MTUS2: variants seen among roughly 807,000 people sequenced by gnomAD.
The protein encoded by MTUS2 is microtubule-associated tumor suppressor candidate 2.
MTUS2 carries 40 observed loss-of-function variants against 114.1 expected under a neutral mutation model. The observed-to-expected ratio is 0.35, with a 90% CI of 0.27 to 0.46. The LOEUF (loss-of-function observed/expected upper bound fraction) is 0.46. Ranked by LOEUF, MTUS2 falls within the 20% of genes least tolerant of loss-of-function variation. The probability of loss-of-function intolerance (pLI) is 1.00; values close to 1 mark genes in which losing one functional copy is unlikely to be tolerated. For missense variants in MTUS2, 1,679 were observed against 1,705.4 expected (o/e 0.98, Z 0.27); for synonymous variants, 688 against 672.0 (o/e 1.02, Z -0.37).
chr13:29,443,476 G>T (rs2138699500), intron 9 of MTUS2, among the ~76,000 whole-genome samples: 1 of 152,320 alleles, frequency 6.6e-6, no homozygotes, highest in Admixed American at 6.5e-5. Flanking sequence ...CTGCCTAAGT[G>T]CCAAGAATAG....
At chr13:29,430,127 G>A (rs1320334998) in intron 8 of MTUS2, among the ~76,000 whole-genome samples, 1 of 151,740 alleles carries the variant, frequency 6.6e-6, no homozygotes, top group Admixed American at 6.6e-5. Context: ...AGCCTTTTGC[G>A]AAGTGGTCAC....
At chr13:29,438,709 C>T (rs1456240425) in intron 8 of MTUS2, among the ~76,000 whole-genome samples, 1 of 152,160 alleles carries the variant, frequency 6.6e-6, no homozygotes, top group African/African-American at 2.4e-5. Context: ...GTCCATTTCC[C>T]TCAGGGACAG....
intron 2 of MTUS2, among the ~76,000 whole-genome samples, chr13:28,906,698 G>C (rs1249515660): frequency 6.6e-6 from 1 of 151,594 alleles, no homozygotes; most frequent in Non-Finnish European, 1.5e-5. Flanking sequence ...TTTGGGATAG[G>C]TGTGGTGTGG....
chr13:29,166,731 G>C (rs1327438311), intron 5 of MTUS2, among the ~76,000 whole-genome samples: 1 of 152,060 alleles, frequency 6.6e-6, no homozygotes, highest in Non-Finnish European at 1.5e-5. Flanking sequence ...TTAAAAAGTT[G>C]TTTGAGAATT....
intron 5 of MTUS2, among the ~76,000 whole-genome samples, chr13:29,185,162 C>T (rs1894170189): frequency 6.6e-6 from 1 of 151,848 alleles, no homozygotes; most frequent in Admixed American, 6.6e-5. Flanking sequence ...ACTAGAGGAG[C>T]TCAGCAGCAG....
chr13:29,479,686 T>C (rs1205426980), intron 9 of MTUS2, among the ~76,000 whole-genome samples: 1 of 152,212 alleles, frequency 6.6e-6, no homozygotes, highest in African/African-American at 2.4e-5. Flanking sequence ...AGCTCTCAAG[T>C]CTTGATGGAC....
intron 3 of MTUS2, among the ~76,000 whole-genome samples, chr13:29,029,839 T>A (rs997144509): frequency 1.1e-4 from 17 of 152,126 alleles, no homozygotes; most frequent in African/African-American, 3.9e-4. Flanking sequence ...AGCAAGAACT[T>A]GCTCATTACC....
intron 5 of MTUS2, among the ~76,000 whole-genome samples, chr13:29,157,922 G>A (rs1383920883): frequency 6.6e-6 from 1 of 152,210 alleles, no homozygotes; most frequent in Non-Finnish European, 1.5e-5. Flanking sequence ...AATGCAAAAA[G>A]TTGGTTAAGT....
intron 3 of MTUS2, among the ~76,000 whole-genome samples, chr13:29,027,536 T>G (rs1366018190): frequency 6.6e-6 from 1 of 152,112 alleles, no homozygotes; most frequent in African/African-American, 2.4e-5. Context: ...GTTTTTTGTT[T>G]GTTTATGTTT....
At chr13:29,212,814 A>T (rs1323982070) in intron 5 of MTUS2, among the ~76,000 whole-genome samples, 1 of 152,250 alleles carries the variant, frequency 6.6e-6, no homozygotes, top group Non-Finnish European at 1.5e-5. Flanking sequence ...ACCAACCCAG[A>T]AGCCCTCTGA....
chr13:29,091,685 A>T (rs1023747073), intron 4 of MTUS2, among the ~76,000 whole-genome samples: 6 of 152,190 alleles, frequency 3.9e-5, no homozygotes, highest in African/African-American at 1.4e-4. Context: ...TCATTCTTAG[A>T]AATACAGATA....
intron 4 of MTUS2, among the ~76,000 whole-genome samples, chr13:29,070,757 C>A (rs1888882588): frequency 6.6e-6 from 1 of 152,034 alleles, no homozygotes. Context: ...TTAGTTTCTA[C>A]CTCTCTGTTT....
At chr13:29,475,963 C>T (rs1020808596) in intron 9 of MTUS2, among the ~76,000 whole-genome samples, 1 of 152,218 alleles carries the variant, frequency 6.6e-6, no homozygotes, top group Admixed American at 6.5e-5. Flanking sequence ...TCATCATTCA[C>T]TGACTTACCC....
chr13:29,364,729 A>C (rs1028406327), intron 8 of MTUS2, among the ~76,000 whole-genome samples: 1 of 152,236 alleles, frequency 6.6e-6, no homozygotes, highest in Non-Finnish European at 1.5e-5. Flanking sequence ...CAGCCAAAGG[A>C]CTTCACATTT....
chr13:29,016,576 AT>A (rs911842826), intron 2 of MTUS2, among the ~76,000 whole-genome samples: 1 of 152,070 alleles, frequency 6.6e-6, no homozygotes, highest in Non-Finnish European at 1.5e-5. Context: ...TTATGTATAT[AT>A]TCTTCTTTAT....
Position 28,910,559 on chromosome 13 carries a change from G to A in MTUS2, c.-243+70709G>A, listed in dbSNP as rs555724273. Among the ~76,000 whole-genome samples the A allele has an allele frequency of 2.0e-4, 31 of 151,970 alleles. No homozygotes were observed. The East Asian group carries it at 5.2e-3, about 26-fold the overall frequency. ...CTTCCTCCCCCCAGCCCCCCAGCAGGCCCCAGTTTGTGTTGTTCCCCTCCA... is the reference window on the plus strand; with the variant it reads ...CTTCCTCCCCCCAGCCCCCCAGCAGACCCCAGTTTGTGTTGTTCCCCTCCA... On this transcript the variant is annotated intron_variant, in intron 2 of 15. Transcript: ENST00000612955.
chr13:29,307,657 A>G, intron 6 of MTUS2: 1 of 1,140,530 alleles, frequency 8.8e-7, no homozygotes, highest in Non-Finnish European at 1.3e-6. Context: ...CCACTCTTCC[A>G]CCTTCGACGC....
chr13:29,232,417 G>C (rs1002238284), intron 5 of MTUS2, among the ~76,000 whole-genome samples: 1 of 152,024 alleles, frequency 6.6e-6, no homozygotes, highest in African/African-American at 2.4e-5. Context: ...TAAATTCCAA[G>C]AATGTGAGAG....
chr13:28,947,033 AGATGT>A (rs1254282845), intron 2 of MTUS2, among the ~76,000 whole-genome samples: 1 of 152,200 alleles, frequency 6.6e-6, no homozygotes, highest in Non-Finnish European at 1.5e-5. Flanking sequence ...ATTACAGCCC[AGATGT>A]AGAGAGTAAG....
Sources: allele counts gnomAD v4.1 joint callset (sites outside exome capture counted in the v4.1 genomes callset), GRCh38; gene constraint gnomAD v4.1.1; transcripts MANE v1.5; gene names NCBI Gene and HGNC (gene_info 2026-07-23, HGNC 2026-07-21).